CTDSPL: variants seen among roughly 807,000 people sequenced by gnomAD.
CTDSPL encodes CTD small phosphatase like.
CTDSPL carries 8 observed loss-of-function variants against 30.5 expected under a neutral mutation model. The ratio of observed to expected loss-of-function variants is 0.26; its 90% CI spans 0.15 to 0.47. The LOEUF is 0.47. Ranked by LOEUF, CTDSPL falls within the 20% of genes least tolerant of loss-of-function variation. The pLI is 0.99. For missense variants in CTDSPL, 248 were observed against 366.1 expected, an observed-to-expected ratio of 0.68 and a Z score of 2.63; for synonymous variants, 110 against 137.9, an observed-to-expected ratio of 0.80 and a Z score of 1.42.
At chr3:37,974,313 G>A (rs146858625) in intron 6 of CTDSPL, among the ~76,000 whole-genome samples, 1 of 152,330 alleles carries the variant, frequency 6.6e-6, no homozygotes, top group African/African-American at 2.4e-5. Context: ...GAGAGGAGAG[G>A]ATGTTCCCAC....
chr3:37,959,350 A>G (rs1206199080), intron 3 of CTDSPL, among the ~76,000 whole-genome samples: 1 of 152,254 alleles, frequency 6.6e-6, no homozygotes, highest in East Asian at 1.9e-4. Flanking sequence ...ACCTGTGGGA[A>G]TACATACATA....
intron 1 of CTDSPL, among the ~76,000 whole-genome samples, chr3:37,918,787 T>G (rs1462230632): frequency 1.3e-5 from 2 of 152,152 alleles, no homozygotes; most frequent in African/African-American, 2.4e-5. Flanking sequence ...ATTTGATTCC[T>G]TCACCCAACA....
chr3:37,913,756 G>A (rs1398013), intron 1 of CTDSPL, among the ~76,000 whole-genome samples: 46,117 of 152,042 alleles, frequency 0.3, 8,823 homozygotes, highest in African/African-American at 0.54. Flanking sequence ...GAACCTACCA[G>A]CGTTGGTTTC....
At chr3:37,969,559 C>T (rs544552612) in intron 5 of CTDSPL, 1 of 385,908 alleles carries the variant, frequency 2.6e-6, no homozygotes, top group African/African-American at 2.1e-5. Context: ...AAATCAGTCT[C>T]CTGCCCTTTG....
chr3:37,980,378 G>A (rs1370680497), intron 7 of CTDSPL, among the ~76,000 whole-genome samples: 2 of 152,228 alleles, frequency 1.3e-5, no homozygotes, highest in African/African-American at 2.4e-5. Flanking sequence ...GGCTCCAAGT[G>A]TTCTGAGGTG....
At chr3:37,960,827 G>C (rs1699237637) in intron 3 of CTDSPL, among the ~76,000 whole-genome samples, 1 of 151,920 alleles carries the variant, frequency 6.6e-6, no homozygotes, top group Non-Finnish European at 1.5e-5. Flanking sequence ...CAAGTTCATT[G>C]GCTTTCTTCT....
chr3:37,878,358 A>G (rs1159087915), intron 1 of CTDSPL, among the ~76,000 whole-genome samples: 1 of 152,110 alleles, frequency 6.6e-6, no homozygotes, highest in Non-Finnish European at 1.5e-5. Context: ...TAGCTTTTGG[A>G]TAAAGTAAAA....
chr3:37,962,979 C>T (rs1351170971), intron 3 of CTDSPL, among the ~76,000 whole-genome samples: 1 of 152,212 alleles, frequency 6.6e-6, no homozygotes, highest in Non-Finnish European at 1.5e-5. Context: ...TTTAAAAACA[C>T]CTTTTGATAG....
intron 1 of CTDSPL, among the ~76,000 whole-genome samples, chr3:37,918,225 G>A (rs1375442539): frequency 1.3e-5 from 2 of 151,924 alleles, no homozygotes; most frequent in African/African-American, 2.4e-5. Flanking sequence ...ATATTGTGCA[G>A]GTCACTTCAT....
chr3:37,953,572 A>G (rs1040287886), intron 2 of CTDSPL, among the ~76,000 whole-genome samples: 4 of 152,228 alleles, frequency 2.6e-5, no homozygotes, highest in African/African-American at 9.6e-5. Flanking sequence ...TAGAAAATAA[A>G]GAAATGGGCA....
chr3:37,884,790 G>A (rs1363356740), intron 1 of CTDSPL, among the ~76,000 whole-genome samples: 1 of 152,062 alleles, frequency 6.6e-6, no homozygotes, highest in African/African-American at 2.4e-5. Flanking sequence ...CTGGAGAGAA[G>A]GGAAAATTAG....
chr3:37,901,891 C>T (rs769801264), intron 1 of CTDSPL, among the ~76,000 whole-genome samples: 1 of 152,184 alleles, frequency 6.6e-6, no homozygotes, highest in African/African-American at 2.4e-5. Flanking sequence ...TGGAATCAGT[C>T]CAGGCTGATA....
chr3:37,968,369 G>T (rs1699324152), intron 5 of CTDSPL: 1 of 368,470 alleles, frequency 2.7e-6, no homozygotes, highest in Non-Finnish European at 5.5e-6. Context: ...AAAAGAAAAA[G>T]GGGGAAGGGT....
chr3:37,872,669 G>A (rs1291883270), intron 1 of CTDSPL, among the ~76,000 whole-genome samples: 1 of 142,986 alleles, frequency 7.0e-6, no homozygotes, highest in Non-Finnish European at 1.5e-5. Context: ...CCACCTCCCA[G>A]ATTCAAGTGA....
chr3:37,958,958 C>T (rs989380905), intron 3 of CTDSPL, among the ~76,000 whole-genome samples: 2 of 152,212 alleles, frequency 1.3e-5, no homozygotes, highest in Non-Finnish European at 2.9e-5. Context: ...AAAATCTGCA[C>T]CTACCTGAAA....
chr3:37,928,936 C>T (rs1575303207), intron 1 of CTDSPL, among the ~76,000 whole-genome samples: 1 of 152,106 alleles, frequency 6.6e-6, no homozygotes, highest in African/African-American at 2.4e-5. Flanking sequence ...GTCTTTAATC[C>T]ATTTTGAGTT....
chr3:37,921,384 G>C (rs933725868), intron 1 of CTDSPL, among the ~76,000 whole-genome samples: 1 of 152,164 alleles, frequency 6.6e-6, no homozygotes, highest in Non-Finnish European at 1.5e-5. Context: ...AAGGATGTAA[G>C]GGACAAGTGT....
At chr3:37,870,206 A>T (rs923311228) in intron 1 of CTDSPL, among the ~76,000 whole-genome samples, 1 of 151,946 alleles carries the variant, frequency 6.6e-6, no homozygotes, top group Admixed American at 6.6e-5. Flanking sequence ...GTTGGGGGGA[A>T]TTTTTAAACT....
At chr3:37,979,236 G>A (rs1699462149) in intron 7 of CTDSPL, among the ~76,000 whole-genome samples, 2 of 151,644 alleles carry the variant, frequency 1.3e-5, no homozygotes. Context: ...GCTGAGGAGG[G>A]AGGATTACTT....
Sources: gnomAD v4.1 joint callset for allele counts (sites outside exome capture counted in the v4.1 genomes callset) on GRCh38, gnomAD v4.1.1 for gene constraint, MANE v1.5 for transcripts, NCBI Gene and HGNC (gene_info 2026-07-23, HGNC 2026-07-21) for gene names.